Variants in SNX4 observed in about 807,000 individuals in gnomAD.
The protein encoded by SNX4 is sorting nexin 4.
SNX4 carries 49 observed loss-of-function variants against 70.8 expected under a neutral mutation model. That is an observed-to-expected ratio of 0.69 (90% CI 0.55 to 0.88). The LOEUF (loss-of-function observed/expected upper bound fraction) is 0.88. SNX4 is among the 40% of genes least tolerant of loss of function. SNX4 has a pLI of 0.00. For synonymous variants in SNX4, 206 were observed against 183.8 expected (o/e 1.12, Z -0.98); for missense variants, 528 against 544.8 (o/e 0.97, Z 0.31).
intron 1 of SNX4, among the ~76,000 whole-genome samples, chr3:125,511,479 A>T (rs1322954383): frequency 6.6e-6 from 1 of 152,214 alleles, no homozygotes; most frequent in East Asian, 1.9e-4. Context: ...GAGTTTTAAG[A>T]AGAGCAGACT....
chr3:125,490,261 G>A (rs996624131), intron 5 of SNX4, among the ~76,000 whole-genome samples: 2 of 151,696 alleles, frequency 1.3e-5, no homozygotes, highest in African/African-American at 2.4e-5. Flanking sequence ...TAGGCCGGGC[G>A]CGGTGGCTCA....
At chr3:125,482,607 C>T (rs758655151) in intron 6 of SNX4, among the ~76,000 whole-genome samples, 2 of 151,990 alleles carry the variant, frequency 1.3e-5, no homozygotes, top group Non-Finnish European at 2.9e-5. Flanking sequence ...AAGTCCAAAT[C>T]TATACCACCC....
intron 4 of SNX4, 47 bp downstream of exon 4, chr3:125,497,787 C>T (rs1021642842): frequency 2.2e-6 from 3 of 1,348,334 alleles, no homozygotes; most frequent in Non-Finnish European, 3.0e-6. Context: ...TTTTAAGAAA[C>T]CCAAATTAAA....
intron 6 of SNX4, among the ~76,000 whole-genome samples, chr3:125,482,747 A>G (rs1017554187): frequency 4.6e-5 from 7 of 152,130 alleles, no homozygotes; most frequent in Non-Finnish European, 8.8e-5. Flanking sequence ...TCATTGAAAT[A>G]AAGAGGCAGT....
chr3:125,451,639 T>C (rs1579969235), intron 12 of SNX4, among the ~76,000 whole-genome samples: 2 of 152,204 alleles, frequency 1.3e-5, no homozygotes, highest in Admixed American at 6.5e-5. Flanking sequence ...TTTTTCTTTT[T>C]TTTTTGAGAC....
chr3:125,479,856 A>G (rs1306070627), intron 7 of SNX4, among the ~76,000 whole-genome samples: 2 of 152,192 alleles, frequency 1.3e-5, no homozygotes, highest in Non-Finnish European at 2.9e-5. Context: ...AAATTAGTTT[A>G]TTTGGTAGAA....
At chr3:125,515,564 C>CTGCT (rs1408955931) in intron 1 of SNX4, among the ~76,000 whole-genome samples, 1 of 149,550 alleles carries the variant, frequency 6.7e-6, no homozygotes, top group Non-Finnish European at 1.5e-5. Context: ...ACTCCAGAGG[C>CTGCT]TGAGGTGGGA....
At chr3:125,519,722 C>A (rs145654380) in intron 1 of SNX4, among the ~76,000 whole-genome samples, 113 of 152,282 alleles carry the variant, frequency 7.4e-4, no homozygotes, top group Non-Finnish European at 1.2e-3. Context: ...CCTCGCCCAT[C>A]CGGGGCCCAG....
chr3:125,450,716 G>C (rs938063936), intron 13 of SNX4, among the ~76,000 whole-genome samples: 1 of 152,160 alleles, frequency 6.6e-6, no homozygotes, highest in African/African-American at 2.4e-5. Context: ...TTCAATGTTT[G>C]TATCTTTCAC....
At position 125,453,894 on chromosome 3, in the gene SNX4, T is replaced by G; in HGVS notation, c.1106A>C (p.Glu369Ala). 1.2e-6 allele frequency: 2 copies of G among 1,614,090 alleles called. No homozygotes were observed. The highest frequency in any genetic ancestry group is 1.7e-6 in the Non-Finnish European group (2 of 1,179,972). ...TTKLFGQETP[E>A]QREARIKVLE... ...CACCTTTATTCTGGCTTCTCTCTGC[T>G]CTGGAGTTTCTTGACCAAAGAGCTT... Residue 369 changes from glutamate (E) to alanine (A), a missense_variant, in exon 12 of 14, where the codon GAG becomes GCG. Glu to Ala is a moderately radical substitution (Grantham distance 107, BLOSUM62 -1). This residue lies in a region of SNX4 where 159 missense variants were observed against 172.6 expected (regional missense o/e 0.92). Coordinates refer to ENST00000251775, the MANE Select transcript of SNX4 (RefSeq NM_003794.4).
At chr3:125,491,474 A>G (rs1934658062) in intron 5 of SNX4, among the ~76,000 whole-genome samples, 1 of 152,230 alleles carries the variant, frequency 6.6e-6, no homozygotes, top group South Asian at 2.1e-4. Flanking sequence ...CCAATTTTTT[A>G]AAAGTCATAT....
At chr3:125,517,540 T>G (rs750035039) in intron 1 of SNX4, among the ~76,000 whole-genome samples, 8 of 152,192 alleles carry the variant, frequency 5.3e-5, no homozygotes, top group African/African-American at 9.7e-5. Flanking sequence ...GGTTTTTAGT[T>G]TGATTTTCTC....
At chr3:125,476,176 G>T (rs1468270487) in intron 8 of SNX4, among the ~76,000 whole-genome samples, 4 of 142,140 alleles carry the variant, frequency 2.8e-5, no homozygotes, top group Non-Finnish European at 6.0e-5. Flanking sequence ...CTGAGGCAGA[G>T]AACTGCTTGA....
intron 2 of SNX4, among the ~76,000 whole-genome samples, chr3:125,498,417 TCAGG>T (rs1934858840): frequency 6.6e-6 from 1 of 152,174 alleles, no homozygotes; most frequent in South Asian, 2.1e-4. Flanking sequence ...CCTCCTGGGC[TCAGG>T]CAATCCTCCC....
chr3:125,460,123 C>T (rs1335622122), intron 10 of SNX4, among the ~76,000 whole-genome samples: 3 of 146,734 alleles, frequency 2.0e-5, no homozygotes, highest in Admixed American at 7.0e-5. Context: ...GAACCCGGGA[C>T]GTGGAGGTTG....
chr3:125,486,995 C>G (rs552641085), intron 6 of SNX4, among the ~76,000 whole-genome samples: 20 of 152,192 alleles, frequency 1.3e-4, no homozygotes, highest in Non-Finnish European at 2.2e-4. Context: ...AGACTCCAGG[C>G]CCTCCCACTC....
At chr3:125,451,231 G>A in intron 13 of SNX4, 74 bp downstream of exon 13, 2 of 821,726 alleles carry the variant, frequency 2.4e-6, no homozygotes, top group East Asian at 5.7e-5. Flanking sequence ...AAATTTTTTG[G>A]TCAGGTAATT....
chr3:125,462,223 A>T (rs1246886230), intron 9 of SNX4, among the ~76,000 whole-genome samples: 3 of 152,142 alleles, frequency 2.0e-5, no homozygotes, highest in Non-Finnish European at 1.5e-5. Context: ...TGGTTTTTTT[A>T]AAAGTGATTC....
At chr3:125,470,951 C>T (rs543744925) in intron 8 of SNX4, among the ~76,000 whole-genome samples, 3 of 152,328 alleles carry the variant, frequency 2.0e-5, no homozygotes, top group Admixed American at 2.0e-4. Flanking sequence ...AGTCAGGCAG[C>T]TGATCAGAGA....
Sources: gnomAD v4.1 joint callset for allele counts (sites outside exome capture counted in the v4.1 genomes callset) on GRCh38, gnomAD v4.1.1 for gene constraint, gnomAD v4.1.1 regional missense constraint, MANE v1.5 for transcripts, NCBI Gene and HGNC (gene_info 2026-07-23, HGNC 2026-07-21) for gene names.